Variants in EPDR1 observed in about 807,000 individuals in gnomAD.
The protein encoded by EPDR1 is ependymin related 1, also known as mammalian ependymin-related protein 1.
A neutral mutation model predicts 23.7 loss-of-function variants in EPDR1; 27 were observed. The observed-to-expected ratio is 1.14, with a 90% CI of 0.84 to 1.57. EPDR1 has a LOEUF of 1.57. Among genes scored for constraint, EPDR1 ranks in the 40% most tolerant of loss-of-function variants. The pLI is 0.00. For synonymous variants in EPDR1, 137 were observed against 118.2 expected, an observed-to-expected ratio of 1.16 and a Z score of -1.03; for missense variants, 349 against 290.4, an observed-to-expected ratio of 1.20 and a Z score of -1.47.
rs1339890597 is a variant in EPDR1 at position 37,921,251 on chromosome 7, G to A, written c.269+43G>A. 8.5e-6 allele frequency: 13 copies of A among 1,538,130 alleles called. No homozygotes were observed. The African/African-American group carries it at 8.6e-5, about 10-fold the overall frequency. On this transcript the variant is annotated intron_variant, in intron 1 of 2. Transcript: ENST00000199448. ...GCGGGGCGGGAGTAGGGAGCCGCGC[G>A]GGCATGGGGAGGGCGAGGTCGCAGA...
chr7:37,942,958 G>A (rs1032660881), intron 1 of EPDR1, among the ~76,000 whole-genome samples: 3 of 152,216 alleles, frequency 2.0e-5, no homozygotes, highest in African/African-American at 7.2e-5. Flanking sequence ...CCCATATGGT[G>A]AGAAGCAAAA....
At chr7:37,944,341 T>C (rs539615889) in intron 1 of EPDR1, among the ~76,000 whole-genome samples, 6 of 152,298 alleles carry the variant, frequency 3.9e-5, no homozygotes, top group Non-Finnish European at 8.8e-5. Context: ...TAGACCTCGG[T>C]TGCCATGACA....
chr7:37,931,819 C>T (rs1264192816), intron 1 of EPDR1, among the ~76,000 whole-genome samples: 1 of 152,122 alleles, frequency 6.6e-6, no homozygotes, highest in Non-Finnish European at 1.5e-5. Context: ...CTGCCTTAGC[C>T]TCCCGAGTAG....
chr7:37,931,951 G>A (rs1437951066), intron 1 of EPDR1, among the ~76,000 whole-genome samples: 1 of 152,090 alleles, frequency 6.6e-6, no homozygotes, highest in African/African-American at 2.4e-5. Flanking sequence ...CTCGTGATCT[G>A]CCCACCTTGG....
At chr7:37,945,482 C>T (rs532871250) in intron 1 of EPDR1, among the ~76,000 whole-genome samples, 17 of 152,102 alleles carry the variant, frequency 1.1e-4, no homozygotes, top group East Asian at 1.9e-4. Flanking sequence ...CTGAAGCATA[C>T]GGCTACTAAT....
At chr7:37,950,133 C>A in intron 2 of EPDR1, 67 bp from the exon 3 acceptor site, 2 of 1,216,428 alleles carry the variant, frequency 1.6e-6, no homozygotes, top group Middle Eastern at 2.1e-4. Flanking sequence ...ATTTTACCAC[C>A]ATAAGAAAAA....
chr7:37,920,849 G>A lies in EPDR1; in HGVS notation c.-91G>A. 1.2e-6 allele frequency: 2 copies of A among 1,610,638 alleles called. No homozygotes were observed. The highest frequency in any genetic ancestry group is 2.2e-5 in the South Asian group (2 of 90,592). ...CCAGACCACACTCCCGGCACAGTGC[G>A]GAAAGAGCCGGCGGGAGCCACTCTG... On this transcript the variant is annotated 5_prime_UTR_variant, in exon 1 of 3. Coordinates refer to ENST00000199448, the MANE Select transcript of EPDR1 (RefSeq NM_017549.5).
intron 1 of EPDR1, among the ~76,000 whole-genome samples, chr7:37,930,227 C>T (rs146508596): frequency 2.6e-5 from 4 of 152,280 alleles, no homozygotes; most frequent in African/African-American, 9.6e-5. Flanking sequence ...TTGGAAGAGG[C>T]ACCAGAGTCA....
At chr7:37,930,596 C>A (rs763084678) in intron 1 of EPDR1, among the ~76,000 whole-genome samples, 1 of 152,206 alleles carries the variant, frequency 6.6e-6, no homozygotes, top group Non-Finnish European at 1.5e-5. Context: ...AATAGAAATT[C>A]TCATCCTAGC....
In EPDR1 at chr7:37,950,698, A is replaced by G. The variant is rs916263443; in HGVS notation, c.*302A>G. 1.0e-5 allele frequency: 3 copies of G among 293,552 alleles called. No individual in the cohort carries two copies. The highest frequency in any genetic ancestry group is 5.9e-5 in the East Asian group (1 of 16,874). The allele number at this position is 293,552 out of a possible 1,614,324, so 18.2% of individuals were successfully genotyped here. ...GCATGCACGGGTATACACATAATGC[A>G]GTGCCATGCACATAGGGAAGGGTCA... is the stretch of plus-strand genomic sequence containing the variant. On this transcript the variant is annotated 3_prime_UTR_variant, in exon 3 of 3. Transcript: ENST00000199448.
chr7:37,949,797 A>G (rs1786358833), intron 2 of EPDR1, among the ~76,000 whole-genome samples: 2 of 152,248 alleles, frequency 1.3e-5, no homozygotes, highest in Non-Finnish European at 2.9e-5. Flanking sequence ...AAGGAAGGAA[A>G]CACCAGCACA....
At chr7:37,929,891 A>G (rs1785896755) in intron 1 of EPDR1, among the ~76,000 whole-genome samples, 1 of 152,086 alleles carries the variant, frequency 6.6e-6, no homozygotes, top group Admixed American at 6.5e-5. Flanking sequence ...GGGGAATTTC[A>G]CCCAATGTGG....
intron 1 of EPDR1, among the ~76,000 whole-genome samples, chr7:37,923,997 G>T (rs1785766932): frequency 1.3e-5 from 2 of 152,148 alleles, no homozygotes; most frequent in African/African-American, 4.8e-5. Context: ...CCAGCCCTTT[G>T]GGCTCAGAAA....
At chr7:37,939,619 GT>G (rs1786130359) in intron 1 of EPDR1, among the ~76,000 whole-genome samples, 3 of 152,024 alleles carry the variant, frequency 2.0e-5, no homozygotes, top group Admixed American at 2.0e-4. Context: ...TTGTGAGTTT[GT>G]TTTGGTGAAA....
chr7:37,940,803 T>G (rs1583669032), intron 1 of EPDR1, among the ~76,000 whole-genome samples: 2 of 132,686 alleles, frequency 1.5e-5, no homozygotes. Flanking sequence ...CGAGTTTTTT[T>G]TTTCTAATTG....
intron 1 of EPDR1, among the ~76,000 whole-genome samples, chr7:37,928,566 A>C (rs1046578444): frequency 6.6e-6 from 1 of 152,202 alleles, no homozygotes; most frequent in African/African-American, 2.4e-5. Flanking sequence ...AAAAGCAAGA[A>C]GCTCTACATT....
At chr7:37,925,334 A>G (rs1307304684) in intron 1 of EPDR1, among the ~76,000 whole-genome samples, 1 of 152,238 alleles carries the variant, frequency 6.6e-6, no homozygotes, top group African/African-American at 2.4e-5. Context: ...CTCTTAATGC[A>G]GAGTGAGCAG....
chr7:37,936,307 C>G (rs1786051278), intron 1 of EPDR1, among the ~76,000 whole-genome samples: 1 of 151,880 alleles, frequency 6.6e-6, no homozygotes, highest in African/African-American at 2.4e-5. Flanking sequence ...ATTCATAATA[C>G]AATGGATTCA....
intron 1 of EPDR1, among the ~76,000 whole-genome samples, chr7:37,932,640 T>A (rs1785968123): frequency 6.6e-6 from 1 of 152,224 alleles, no homozygotes; most frequent in African/African-American, 2.4e-5. Context: ...CTAAATGGCA[T>A]CATGCTGACC....
Sources: gnomAD v4.1 joint callset for allele counts (sites outside exome capture counted in the v4.1 genomes callset) on GRCh38, gnomAD v4.1.1 for gene constraint, MANE v1.5 for transcripts, NCBI Gene and HGNC (gene_info 2026-07-23, HGNC 2026-07-21) for gene names.